Variants in PTPN12 observed in about 807,000 individuals in gnomAD.
The protein encoded by PTPN12 is tyrosine-protein phosphatase non-receptor type 12.
Under a neutral mutation model 97.6 loss-of-function variants are expected in PTPN12, and 29 were observed. The ratio of observed to expected loss-of-function variants is 0.30; its 90% confidence interval spans 0.22 to 0.41. The LOEUF (loss-of-function observed/expected upper bound fraction) is 0.41, where lower values mean the gene tolerates loss of function less well. Among genes scored for constraint, PTPN12 ranks in the 10% least tolerant of loss-of-function variants. PTPN12 has a pLI of 1.00. For synonymous variants in PTPN12, 327 were observed against 300.4 expected (o/e 1.09, Z -0.91); for missense variants, 819 against 926.0 (o/e 0.88, Z 1.50).
At chr7:77,556,838 AAATAAAAAT>A (rs1405881450) in intron 1 of PTPN12, among the ~76,000 whole-genome samples, 1 of 152,076 alleles carries the variant, frequency 6.6e-6, no homozygotes, top group Non-Finnish European at 1.5e-5. Flanking sequence ...CAAAAATAAA[AAATAAAAAT>A]ACAAAAAAAG....
rs377296286 is a variant in PTPN12 at position 77,592,219 on chromosome 7, A to C, written c.455A>C (p.Glu152Ala). 11 of 1,606,792 alleles carry C rather than the reference A, an allele frequency of 6.8e-6. No individual in the cohort carries two copies. The highest frequency in any genetic ancestry group is 2.7e-5 in the African/African-American group (2 of 74,258). ...GAGCGCTATTGGCCTTTGTATGGAG[A>C]AGACCCCATAACGTTTGCACCATTT... ...KCERYWPLYG[E>A]DPITFAPFKI... The change falls in exon 6 of 18, where the codon GAA (glutamate) becomes GCA (alanine). Residue 152 changes from glutamate to alanine, a missense_variant. Transcript: ENST00000248594.
At chr7:77,609,897 A>C (rs986057981) in intron 9 of PTPN12, among the ~76,000 whole-genome samples, 60 of 151,672 alleles carry the variant, frequency 4.0e-4, no homozygotes, top group Admixed American at 4.6e-4. Flanking sequence ...AAAACAACAA[A>C]AAAAAAACCC....
intron 16 of PTPN12, among the ~76,000 whole-genome samples, chr7:77,637,417 C>T (rs775222118): frequency 2.6e-5 from 4 of 151,932 alleles, no homozygotes; most frequent in Non-Finnish European, 4.4e-5. Flanking sequence ...AGAAATCTTC[C>T]TTTTAGTACT....
intron 15 of PTPN12, 43 bp from the exon 16 acceptor site, chr7:77,636,975 A>G: frequency 6.7e-7 from 1 of 1,491,110 alleles, no homozygotes. Context: ...ATTTGTATAT[A>G]AAATGAATGT....
chr7:77,599,113 C>T (rs894715323), intron 7 of PTPN12, among the ~76,000 whole-genome samples: 4 of 151,350 alleles, frequency 2.6e-5, no homozygotes, highest in African/African-American at 7.3e-5. Context: ...TATAACATAC[C>T]CTAAATTTGT....
At chr7:77,547,899 TC>T (rs903917268) in intron 1 of PTPN12, among the ~76,000 whole-genome samples, 1 of 152,162 alleles carries the variant, frequency 6.6e-6, no homozygotes, top group African/African-American at 2.4e-5. Context: ...AATAAGAAAA[TC>T]TTATGTACCC....
intron 14 of PTPN12, among the ~76,000 whole-genome samples, chr7:77,634,503 G>C (rs1467776791): frequency 1.3e-5 from 2 of 151,970 alleles, no homozygotes; most frequent in East Asian, 3.9e-4. Context: ...GCAGTGGCAC[G>C]ATCTCGGCTC....
intron 13 of PTPN12, among the ~76,000 whole-genome samples, chr7:77,630,526 G>A (rs964137829): frequency 1.8e-4 from 27 of 152,228 alleles, no homozygotes; most frequent in Non-Finnish European, 3.5e-4. Context: ...CTCAACAATT[G>A]TAACACAATG....
At chr7:77,568,931 A>C (rs1003837909) in intron 1 of PTPN12, among the ~76,000 whole-genome samples, 1 of 152,220 alleles carries the variant, frequency 6.6e-6, no homozygotes, top group Non-Finnish European at 1.5e-5. Flanking sequence ...AGAAAATACA[A>C]ACATTCTAAT....
chr7:77,601,444 TCTCCCA>T (rs1788184908), intron 8 of PTPN12, among the ~76,000 whole-genome samples: 1 of 152,114 alleles, frequency 6.6e-6, no homozygotes, highest in Non-Finnish European at 1.5e-5. Flanking sequence ...CTCAAGTGAT[TCTCCCA>T]CTTTGCTCTC....
At chr7:77,564,412 A>AT (rs2151311150) in intron 1 of PTPN12, among the ~76,000 whole-genome samples, 1 of 152,264 alleles carries the variant, frequency 6.6e-6, no homozygotes, top group Admixed American at 6.5e-5. Flanking sequence ...GACAGTTAAA[A>AT]TTTTCAAATA....
At chr7:77,567,712 A>G (rs1350604980) in intron 1 of PTPN12, among the ~76,000 whole-genome samples, 1 of 152,220 alleles carries the variant, frequency 6.6e-6, no homozygotes, top group Non-Finnish European at 1.5e-5. Flanking sequence ...ATTGACCTGG[A>G]ATATGCAACT....
intron 1 of PTPN12, among the ~76,000 whole-genome samples, chr7:77,543,741 C>T (rs1366042926): frequency 1.3e-5 from 2 of 152,090 alleles, no homozygotes; most frequent in Admixed American, 6.6e-5. Context: ...GTATTCTGGA[C>T]ATTTTATATA....
chr7:77,572,384 A>G (rs1787173661), intron 2 of PTPN12, among the ~76,000 whole-genome samples: 1 of 152,146 alleles, frequency 6.6e-6, no homozygotes, highest in Non-Finnish European at 1.5e-5. Flanking sequence ...AAGAATATTG[A>G]TTATTCAAGA....
chr7:77,564,679 G>C (rs1808150242), intron 1 of PTPN12, among the ~76,000 whole-genome samples: 1 of 146,888 alleles, frequency 6.8e-6, no homozygotes, highest in Admixed American at 6.8e-5. Flanking sequence ...ATTCTTATAT[G>C]CATATTTACT....
chr7:77,583,601 C>T lies in PTPN12; in HGVS notation c.332C>T (p.Ala111Val), dbSNP rs1167947953. 6.2e-7 allele frequency: 1 copy of T among 1,611,580 alleles called. No individual in the cohort carries two copies. Among genetic ancestry groups the T allele is most frequent in the Non-Finnish European group, 8.5e-7 (1 of 1,178,914 alleles). ...TATGTAGCAACTCAAGGACCTTTAG[C>T]AAATACAGTAATAGATTTTTGGAGG... ...KAYVATQGPL[A>V]NTVIDFWRMI... The change falls in exon 4 of 18, where the codon GCA becomes GTA. Residue 111 changes from alanine to valine, a missense_variant. Around this residue, in one of 5 missense-constraint regions of PTPN12, gnomAD observed 66 missense variants for 133.6 expected, o/e 0.49. Coordinates refer to ENST00000248594, the MANE Select transcript of PTPN12 (RefSeq NM_002835.4).
chr7:77,638,605 G>C lies in PTPN12; in HGVS notation c.2174-19G>C, dbSNP rs374828660. The stretch of plus-strand genomic sequence containing the variant: ...CTACAAAGGATGGTGATTAACAAAG[G>C]CTTTGTGTTGCTACTTAGATCATCC... On this transcript the variant is annotated intron_variant, in intron 16 of 17. Coordinates refer to ENST00000248594, the MANE Select transcript of PTPN12 (RefSeq NM_002835.4). The C allele has an allele frequency of 5.4e-4, 846 of 1,563,976 alleles. No homozygotes were observed. Among genetic ancestry groups the C allele is most frequent in the Admixed American group, 9.8e-4 (48 of 49,040 alleles).
At chr7:77,560,335 CA>C (rs1807941039) in intron 1 of PTPN12, among the ~76,000 whole-genome samples, 1 of 152,162 alleles carries the variant, frequency 6.6e-6, no homozygotes, top group Non-Finnish European at 1.5e-5. Context: ...TAATTCTGTA[CA>C]AACAACTACT....
At chr7:77,564,431 G>GA (rs1808138547) in intron 1 of PTPN12, among the ~76,000 whole-genome samples, 1 of 152,058 alleles carries the variant, frequency 6.6e-6, no homozygotes, top group South Asian at 2.1e-4. Context: ...TATAAAGCCA[G>GA]ATGAATTTAT....
Sources: allele counts gnomAD v4.1 joint callset (sites outside exome capture counted in the v4.1 genomes callset), GRCh38; gene constraint gnomAD v4.1.1; regional missense constraint gnomAD v4.1.1; transcripts MANE v1.5; gene names NCBI Gene and HGNC (gene_info 2026-07-23, HGNC 2026-07-21).